The following ENOX1 variants were observed in gnomAD, a reference collection of about 807,000 sequenced individuals.
The protein encoded by ENOX1 is candidate growth-related and time keeping constitutive hydroquinone (NADH) oxidase.
In ENOX1, 42 loss-of-function variants were observed where a neutral mutation model predicts 82.5. The observed-to-expected ratio is 0.51, with a 90% confidence interval of 0.40 to 0.66. The LOEUF is 0.66. Ranked by LOEUF, ENOX1 falls within the 30% of genes least tolerant of loss-of-function variation. The pLI is 0.00. For missense variants in ENOX1, 608 were observed against 811.6 expected, an observed-to-expected ratio of 0.75 and a Z score of 3.05; for synonymous variants, 271 against 282.2, an observed-to-expected ratio of 0.96 and a Z score of 0.40.
At chr13:43,300,153 A>G (rs1364081510) in intron 11 of ENOX1, among the ~76,000 whole-genome samples, 3 of 152,170 alleles carry the variant, frequency 2.0e-5, no homozygotes, top group South Asian at 4.1e-4. Context: ...GTAGGGATCA[A>G]TTACTTAACA....
chr13:43,772,091 G>T (rs1295245674), intron 1 of ENOX1, among the ~76,000 whole-genome samples: 1 of 151,946 alleles, frequency 6.6e-6, no homozygotes, highest in Non-Finnish European at 1.5e-5. Flanking sequence ...TAAAGTAAAA[G>T]GAATCTTATA....
intron 11 of ENOX1, among the ~76,000 whole-genome samples, chr13:43,302,868 G>GA (rs2046658587): frequency 6.6e-6 from 1 of 152,188 alleles, no homozygotes; most frequent in Admixed American, 6.5e-5. Flanking sequence ...AGCAATATAT[G>GA]AAAAATGTAA....
intron 5 of ENOX1, among the ~76,000 whole-genome samples, chr13:43,388,169 T>C (rs748049426): frequency 6.6e-6 from 1 of 152,166 alleles, no homozygotes; most frequent in Non-Finnish European, 1.5e-5. Flanking sequence ...ATGATCTAAA[T>C]AGAAAGAAAC....
chr13:43,550,966 T>A (rs2079170339), intron 2 of ENOX1, among the ~76,000 whole-genome samples: 1 of 152,190 alleles, frequency 6.6e-6, no homozygotes, highest in Non-Finnish European at 1.5e-5. Context: ...GTAACCCATA[T>A]TTAGAGAGCA....
intron 14 of ENOX1, among the ~76,000 whole-genome samples, chr13:43,263,327 C>T (rs770356377): frequency 1.3e-5 from 2 of 152,258 alleles, no homozygotes; most frequent in Middle Eastern, 6.8e-3. Context: ...ATATCTCCCC[C>T]ACCCCCTAGG....
intron 5 of ENOX1, among the ~76,000 whole-genome samples, chr13:43,364,513 C>A (rs946342403): frequency 1.3e-5 from 2 of 152,066 alleles, no homozygotes; most frequent in African/African-American, 4.8e-5. Context: ...GCAAAGGTTT[C>A]TTTTTGGTTG....
intron 3 of ENOX1, among the ~76,000 whole-genome samples, chr13:43,437,362 C>T (rs561187057): frequency 6.6e-6 from 1 of 152,158 alleles, no homozygotes; most frequent in African/African-American, 2.4e-5. Context: ...GCCAGTAAGA[C>T]CCAATCCTGC....
At chr13:43,239,097 G>A (rs2153460589) in intron 14 of ENOX1, among the ~76,000 whole-genome samples, 1 of 152,300 alleles carries the variant, frequency 6.6e-6, no homozygotes, top group Admixed American at 6.5e-5. Context: ...TCTTGCTTTG[G>A]TGATGTTTTA....
intron 2 of ENOX1, among the ~76,000 whole-genome samples, chr13:43,595,073 C>A (rs1356605049): frequency 2.0e-5 from 3 of 149,060 alleles, no homozygotes; most frequent in Non-Finnish European, 4.5e-5. Context: ...CTCAGAGACA[C>A]CAGGGCTCCC....
chr13:43,651,668 G>A (rs376188278), intron 2 of ENOX1, among the ~76,000 whole-genome samples: 2 of 125,036 alleles, frequency 1.6e-5, no homozygotes, highest in African/African-American at 2.8e-5. Context: ...CGACACTCCA[G>A]CCTGGGCGAC....
chr13:43,728,756 A>G (rs1250032314), intron 1 of ENOX1, among the ~76,000 whole-genome samples: 1 of 152,214 alleles, frequency 6.6e-6, no homozygotes, highest in Non-Finnish European at 1.5e-5. Context: ...TTAGCTGACA[A>G]CTAACTCCTT....
chr13:43,474,886 T>G (rs2058215280), intron 3 of ENOX1, among the ~76,000 whole-genome samples: 1 of 152,142 alleles, frequency 6.6e-6, no homozygotes, highest in African/African-American at 2.4e-5. Flanking sequence ...TGTTTCTCGG[T>G]AGCTTGACCC....
At chr13:43,484,852 A>G (rs568884790) in intron 2 of ENOX1, among the ~76,000 whole-genome samples, 1 of 152,324 alleles carries the variant, frequency 6.6e-6, no homozygotes, top group African/African-American at 2.4e-5. Flanking sequence ...TTTAAGCAGT[A>G]TATTTTTTTC....
chr13:43,618,416 T>A lies in ENOX1; in HGVS notation c.-219+49063A>T, dbSNP rs538171125. ...TCCTTAGTCCATCTTGAGTTTTGTA[T>A]AAGGTGAGAGATGAGGAACCAGTTT... On this transcript the variant is annotated intron_variant, in intron 2 of 16. Coordinates refer to ENST00000690772, the MANE Select transcript of ENOX1 (RefSeq NM_001347969.2). 3.2e-4 allele frequency among the ~76,000 whole-genome samples: 48 copies of A among 152,320 alleles called. 1 individual carries two copies. Among genetic ancestry groups the A allele is most frequent in the Admixed American group, 2.5e-3 (38 of 15,292 alleles).
intron 5 of ENOX1, among the ~76,000 whole-genome samples, chr13:43,381,546 T>A (rs1246073838): frequency 6.8e-6 from 1 of 146,706 alleles, no homozygotes; most frequent in African/African-American, 2.5e-5. Flanking sequence ...AGAACAGGAA[T>A]TAGTGACATA....
intron 15 of ENOX1, among the ~76,000 whole-genome samples, chr13:43,230,614 T>C (rs1440692980): frequency 2.0e-5 from 3 of 152,164 alleles, no homozygotes; most frequent in African/African-American, 4.8e-5. Flanking sequence ...TTATGCAGTA[T>C]GAGGGCTTAC....
intron 13 of ENOX1, among the ~76,000 whole-genome samples, chr13:43,267,394 G>A (rs1410706243): frequency 2.6e-5 from 4 of 152,206 alleles, no homozygotes; most frequent in Non-Finnish European, 5.9e-5. Context: ...AGGGGTTAGC[G>A]TGGCCTTCCC....
At chr13:43,321,224 C>G (rs1272330803) in intron 11 of ENOX1, 5 of 448,252 alleles carry the variant, frequency 1.1e-5, no homozygotes, top group Non-Finnish European at 2.2e-5. Flanking sequence ...GACTTCACTT[C>G]CCCACACCCT....
chr13:43,781,605 C>A (rs1221975484), intron 1 of ENOX1, among the ~76,000 whole-genome samples: 2 of 152,046 alleles, frequency 1.3e-5, no homozygotes, highest in Non-Finnish European at 2.9e-5. Flanking sequence ...CCTCTGCCTC[C>A]CGGGTTCAAG....
Sources: gnomAD v4.1 joint callset for allele counts (sites outside exome capture counted in the v4.1 genomes callset) on GRCh38, gnomAD v4.1.1 for gene constraint, MANE v1.5 for transcripts, NCBI Gene and HGNC (gene_info 2026-07-23, HGNC 2026-07-21) for gene names.